The following CALN1 variants were observed in gnomAD, a reference collection of about 807,000 sequenced individuals.
The protein encoded by CALN1 is calcium-binding protein 8.
In CALN1, 17 loss-of-function variants were observed where a neutral mutation model predicts 30.6. The observed-to-expected ratio is 0.56, with a 90% CI of 0.38 to 0.83. The LOEUF (loss-of-function observed/expected upper bound fraction) is 0.83, where lower values mean the gene tolerates loss of function less well. Ranked by LOEUF, CALN1 falls within the 40% of genes least tolerant of loss-of-function variation. The probability of loss-of-function intolerance (pLI) is 0.00; values close to 1 mark genes in which losing one functional copy is unlikely to be tolerated. For missense variants in CALN1, 291 were observed against 354.9 expected (o/e 0.82, Z 1.45); for synonymous variants, 156 against 131.4 (o/e 1.19, Z -1.28).
At chr7:72,066,575 G>A (rs1349029621) in intron 4 of CALN1, among the ~76,000 whole-genome samples, 1 of 151,316 alleles carries the variant, frequency 6.6e-6, no homozygotes, top group Non-Finnish European at 1.5e-5. Context: ...AAATGCAACC[G>A]TACCTGCTTC....
intron 5 of CALN1, among the ~76,000 whole-genome samples, chr7:71,842,004 GAAAAA>G (rs796613388): frequency 3.7e-5 from 5 of 133,960 alleles, no homozygotes; most frequent in Non-Finnish European, 6.5e-5. Context: ...ATCTAAAAAA[GAAAAA>G]AAAAAAAGAC....
At chr7:72,030,614 A>G (rs530434247) in intron 4 of CALN1, among the ~76,000 whole-genome samples, 13 of 152,180 alleles carry the variant, frequency 8.5e-5, no homozygotes, top group Non-Finnish European at 1.3e-4. Flanking sequence ...TAGGTTTTAC[A>G]CTAAGTCCCT....
At chr7:71,918,631 G>A (rs1192634133) in intron 5 of CALN1, among the ~76,000 whole-genome samples, 2 of 152,172 alleles carry the variant, frequency 1.3e-5, no homozygotes, top group Non-Finnish European at 2.9e-5. Flanking sequence ...GACAGTGTGG[G>A]AAGCAAAGAC....
the CALN1 span, among the ~76,000 whole-genome samples, chr7:72,460,294 G>C: frequency 5.9e-5 from 9 of 152,176 alleles, no homozygotes; most frequent in African/African-American, 1.9e-4. Flanking sequence ...TATGAAGGTG[G>C]AAAGACATCC....
chr7:72,354,116 G>A (rs374729351), intron 2 of CALN1, among the ~76,000 whole-genome samples: 3 of 152,174 alleles, frequency 2.0e-5, no homozygotes, highest in South Asian at 4.1e-4. Flanking sequence ...GAACCCAAGA[G>A]GGGGAGGTTG....
At chr7:72,105,285 C>T (rs1370010390) in intron 4 of CALN1, among the ~76,000 whole-genome samples, 2 of 152,208 alleles carry the variant, frequency 1.3e-5, no homozygotes, top group African/African-American at 2.4e-5. Flanking sequence ...TGTCCTCCTT[C>T]CACTTATATT....
intron 2 of CALN1, among the ~76,000 whole-genome samples, chr7:72,387,502 G>C (rs1805305337): frequency 6.6e-6 from 1 of 152,072 alleles, no homozygotes; most frequent in Non-Finnish European, 1.5e-5. Flanking sequence ...CGCCCCGGGT[G>C]ATCAAGGTCA....
At chr7:71,798,144 A>G (rs1787067842) in intron 6 of CALN1, among the ~76,000 whole-genome samples, 2 of 137,252 alleles carry the variant, frequency 1.5e-5, no homozygotes, top group Admixed American at 7.3e-5. Context: ...AGAGAGAGAG[A>G]GAGAGAGAGA....
chr7:72,025,229 G>T (rs1474819877), intron 4 of CALN1, among the ~76,000 whole-genome samples: 1 of 152,152 alleles, frequency 6.6e-6, no homozygotes, highest in African/African-American at 2.4e-5. Flanking sequence ...AGAATCGCTT[G>T]AATCTGGGAG....
chr7:72,085,348 TATA>T (rs911982384), intron 4 of CALN1, among the ~76,000 whole-genome samples: 2 of 152,164 alleles, frequency 1.3e-5, no homozygotes, highest in Non-Finnish European at 2.9e-5. Context: ...GGGAGTACAG[TATA>T]ATAAGATATG....
chr7:72,005,303 A>T (rs951778293), intron 5 of CALN1, among the ~76,000 whole-genome samples: 1 of 152,150 alleles, frequency 6.6e-6, no homozygotes, highest in Non-Finnish European at 1.5e-5. Flanking sequence ...ATCCTGTAAA[A>T]TACTACTCAG....
intron 3 of CALN1, among the ~76,000 whole-genome samples, chr7:72,239,454 T>C (rs1794697029): frequency 6.6e-6 from 1 of 152,200 alleles, no homozygotes; most frequent in Non-Finnish European, 1.5e-5. Context: ...TCTGCTGTCT[T>C]AGCTTCTAAA....
At chr7:72,146,371 G>A (rs1017494614) in intron 3 of CALN1, among the ~76,000 whole-genome samples, 12 of 152,146 alleles carry the variant, frequency 7.9e-5, no homozygotes, top group Admixed American at 2.0e-4. Flanking sequence ...ATTCACAATT[G>A]CTTCAAAGAG....
intron 5 of CALN1, among the ~76,000 whole-genome samples, chr7:71,950,020 C>T (rs62462775): frequency 0.16 from 24,108 of 152,144 alleles, 1,952 homozygotes; most frequent in Middle Eastern, 0.2. Flanking sequence ...CCTCAGCCTC[C>T]CAAAGTGTTG....
chr7:72,102,103 C>A (rs1312467347), intron 4 of CALN1, among the ~76,000 whole-genome samples: 1 of 152,164 alleles, frequency 6.6e-6, no homozygotes, highest in Non-Finnish European at 1.5e-5. Flanking sequence ...GATCTTGGCT[C>A]ACCGCAACCT....
intron 2 of CALN1, among the ~76,000 whole-genome samples, chr7:72,384,914 A>G (rs564459045): frequency 6.6e-6 from 1 of 152,332 alleles, no homozygotes; most frequent in East Asian, 1.9e-4. Context: ...CTGATAAAGG[A>G]CTTGTAGTCA....
intron 5 of CALN1, among the ~76,000 whole-genome samples, chr7:71,878,486 G>C (rs1792380612): frequency 6.6e-6 from 1 of 152,118 alleles, no homozygotes; most frequent in African/African-American, 2.4e-5. Context: ...GAGACAGCTG[G>C]TACAGGGCTG....
At chr7:72,397,550 G>C (rs772174853) in intron 2 of CALN1, among the ~76,000 whole-genome samples, 5 of 152,108 alleles carry the variant, frequency 3.3e-5, no homozygotes, top group Admixed American at 6.6e-5. Flanking sequence ...AAGAAAAGCA[G>C]GTCACAGCAA....
At chr7:72,349,732 T>C (rs1802826915) in intron 2 of CALN1, among the ~76,000 whole-genome samples, 1 of 152,234 alleles carries the variant, frequency 6.6e-6, no homozygotes, top group African/African-American at 2.4e-5. Context: ...GTCATGTATA[T>C]GTCTTCTTTT....
Sources: gnomAD v4.1 joint callset for allele counts (sites outside exome capture counted in the v4.1 genomes callset) on GRCh38, gnomAD v4.1.1 for gene constraint, MANE v1.5 for transcripts, NCBI Gene and HGNC (gene_info 2026-07-23, HGNC 2026-07-21) for gene names.